Variants in THSD4 observed in about 807,000 individuals in gnomAD.
THSD4 encodes thrombospondin type-1 domain-containing protein 4.
In THSD4, 69 loss-of-function variants were observed where a neutral mutation model predicts 119.0. The observed-to-expected ratio is 0.58, with a 90% confidence interval of 0.48 to 0.71. THSD4 has a LOEUF of 0.71. Ranked by LOEUF, THSD4 falls within the 30% of genes least tolerant of loss-of-function variation. The pLI is 0.00. For synonymous variants in THSD4, 524 were observed against 540.4 expected, an observed-to-expected ratio of 0.97 and a Z score of 0.42; for missense variants, 1,393 against 1,391.1, an observed-to-expected ratio of 1.00 and a Z score of -0.02.
intron 7 of THSD4, among the ~76,000 whole-genome samples, chr15:71,646,496 C>T (rs1280552507): frequency 6.6e-6 from 1 of 152,148 alleles, no homozygotes; most frequent in Non-Finnish European, 1.5e-5. Context: ...TTCCAATCAG[C>T]TACTGTTTAA....
intron 7 of THSD4, among the ~76,000 whole-genome samples, chr15:71,482,329 T>C (rs545148246): frequency 1.9e-3 from 290 of 149,566 alleles, no homozygotes; most frequent in African/African-American, 6.6e-3. Context: ...CTTGCTCTGT[T>C]GCCCAGGCTG....
intron 3 of THSD4, among the ~76,000 whole-genome samples, chr15:71,173,781 A>G (rs2043408994): frequency 6.6e-6 from 1 of 152,128 alleles, no homozygotes; most frequent in Non-Finnish European, 1.5e-5. Context: ...CTGCAGAGCT[A>G]TAGTAACCAA....
intron 7 of THSD4, among the ~76,000 whole-genome samples, chr15:71,626,417 T>C (rs1223730040): frequency 6.6e-6 from 1 of 152,214 alleles, no homozygotes; most frequent in African/African-American, 2.4e-5. Flanking sequence ...TGTATTAAAT[T>C]TTCTCTTTTG....
At chr15:71,206,063 G>A (rs1231348671) in intron 3 of THSD4, among the ~76,000 whole-genome samples, 1 of 152,112 alleles carries the variant, frequency 6.6e-6, no homozygotes, top group Non-Finnish European at 1.5e-5. Context: ...TGCAAAGTCT[G>A]AAATTCTAAA....
chr15:71,231,433 C>T (rs1330772460), intron 4 of THSD4, among the ~76,000 whole-genome samples: 1 of 152,172 alleles, frequency 6.6e-6, no homozygotes, highest in Non-Finnish European at 1.5e-5. Flanking sequence ...AGCCCTTTAA[C>T]ATCTGAGTGA....
At chr15:71,383,625 T>C (rs1181830274) in intron 6 of THSD4, among the ~76,000 whole-genome samples, 1 of 152,152 alleles carries the variant, frequency 6.6e-6, no homozygotes, top group Non-Finnish European at 1.5e-5. Context: ...TAAATTTCTT[T>C]TACAAAAGGA....
chr15:71,285,314 C>T (rs1047038101), intron 6 of THSD4, among the ~76,000 whole-genome samples: 1 of 152,150 alleles, frequency 6.6e-6, no homozygotes, highest in Non-Finnish European at 1.5e-5. Flanking sequence ...ACTATTCCTT[C>T]ACTTGTGTCT....
At chr15:71,668,438 C>A (rs1216386433) in intron 8 of THSD4, among the ~76,000 whole-genome samples, 2 of 152,036 alleles carry the variant, frequency 1.3e-5, no homozygotes, top group African/African-American at 4.8e-5. Flanking sequence ...CCCCAAGAGG[C>A]TCTGAGCCTG....
intron 7 of THSD4, among the ~76,000 whole-genome samples, chr15:71,607,501 C>G (rs1273764548): frequency 6.6e-6 from 1 of 152,192 alleles, no homozygotes; most frequent in Non-Finnish European, 1.5e-5. Context: ...TGAAGTAGTT[C>G]CCTGTCATTC....
intron 6 of THSD4, among the ~76,000 whole-genome samples, chr15:71,408,073 C>G (rs375203438): frequency 1.3e-5 from 2 of 152,118 alleles, no homozygotes; most frequent in South Asian, 4.2e-4. Flanking sequence ...TGTGGCAACC[C>G]TTGTGTTTTC....
chr15:71,283,965 C>G (rs1442781), intron 6 of THSD4, among the ~76,000 whole-genome samples: 102,051 of 151,858 alleles, frequency 0.67, 34,688 homozygotes, highest in East Asian at 0.85. Flanking sequence ...AAAAGAGCAG[C>G]CTTATGTATC....
chr15:71,560,015 A>G (rs1595885144), intron 7 of THSD4, among the ~76,000 whole-genome samples: 1 of 152,210 alleles, frequency 6.6e-6, no homozygotes, highest in Non-Finnish European at 1.5e-5. Context: ...CTATTGTCTT[A>G]TACTATACTT....
chr15:71,535,636 C>T (rs2048679451), intron 7 of THSD4, among the ~76,000 whole-genome samples: 1 of 152,174 alleles, frequency 6.6e-6, no homozygotes, highest in Non-Finnish European at 1.5e-5. Context: ...CATTTGTTAT[C>T]ACCTGTGTAT....
intron 6 of THSD4, among the ~76,000 whole-genome samples, chr15:71,306,671 G>C (rs184874301): frequency 2.8e-4 from 42 of 152,312 alleles, no homozygotes; most frequent in African/African-American, 9.6e-4. Context: ...AGAGAATTCT[G>C]TGGCCAAATA....
intron 7 of THSD4, among the ~76,000 whole-genome samples, chr15:71,579,601 G>A (rs2049520150): frequency 6.6e-6 from 1 of 152,174 alleles, no homozygotes; most frequent in Non-Finnish European, 1.5e-5. Flanking sequence ...CTGTACTCTT[G>A]AAGGGTGATT....
intron 7 of THSD4, among the ~76,000 whole-genome samples, chr15:71,653,522 A>C (rs966825565): frequency 6.6e-6 from 1 of 152,218 alleles, no homozygotes; most frequent in African/African-American, 2.4e-5. Flanking sequence ...GAAGCCAAGG[A>C]TGCTGCTAAA....
chr15:71,470,091 A>C (rs2047553447), intron 7 of THSD4, among the ~76,000 whole-genome samples: 1 of 152,236 alleles, frequency 6.6e-6, no homozygotes, highest in South Asian at 2.1e-4. Flanking sequence ...TCAGGCAATA[A>C]GTATAAGAGG....
At chr15:71,262,002 A>G (rs377533172) in intron 6 of THSD4, among the ~76,000 whole-genome samples, 2,078 of 152,156 alleles carry the variant, frequency 0.014, 40 homozygotes, top group African/African-American at 0.047. Flanking sequence ...GACCGGCGGG[A>G]GGAAGACACT....
chr15:71,608,841 A>G (rs926320965), intron 7 of THSD4, among the ~76,000 whole-genome samples: 1 of 152,208 alleles, frequency 6.6e-6, no homozygotes, highest in Non-Finnish European at 1.5e-5. Context: ...TGCAATGACT[A>G]TTATCCCCAA....
Sources: gnomAD v4.1 joint callset for allele counts (sites outside exome capture counted in the v4.1 genomes callset) on GRCh38, gnomAD v4.1.1 for gene constraint, MANE v1.5 for transcripts, NCBI Gene and HGNC (gene_info 2026-07-23, HGNC 2026-07-21) for gene names.